The following ASTN1 variants were observed in gnomAD, a reference collection of about 807,000 sequenced individuals.
The protein encoded by ASTN1 is astrotactin 1.
In ASTN1, 41 loss-of-function variants were observed where a neutral mutation model predicts 140.7. The observed-to-expected ratio is 0.29, with a 90% CI of 0.23 to 0.38. The LOEUF is 0.38. Among genes scored for constraint, ASTN1 ranks in the 10% least tolerant of loss-of-function variants. ASTN1 has a pLI of 1.00. For synonymous variants in ASTN1, 640 were observed against 652.2 expected (o/e 0.98, Z 0.29); for missense variants, 1,479 against 1,678.8 (o/e 0.88, Z 2.08).
intron 8 of ASTN1, among the ~76,000 whole-genome samples, chr1:177,009,552 G>A (rs1251769699): frequency 6.6e-6 from 1 of 152,194 alleles, no homozygotes; most frequent in Admixed American, 6.5e-5. Flanking sequence ...TCCTGAGCGG[G>A]TGAGAAGTAG....
At chr1:177,000,476 G>A (rs1211206030) in intron 8 of ASTN1, among the ~76,000 whole-genome samples, 1 of 152,160 alleles carries the variant, frequency 6.6e-6, no homozygotes, top group African/African-American at 2.4e-5. Flanking sequence ...CTATTTAGAA[G>A]AGAAGAGCCA....
At chr1:176,879,574 C>CG (rs1454562437) in intron 20 of ASTN1, among the ~76,000 whole-genome samples, 1 of 152,138 alleles carries the variant, frequency 6.6e-6, no homozygotes, top group Non-Finnish European at 1.5e-5. Flanking sequence ...CCTCTCCCCC[C>CG]GCCCCCAAGC....
chr1:177,064,663 T>G (rs1571730437), intron 1 of ASTN1, among the ~76,000 whole-genome samples: 1 of 152,224 alleles, frequency 6.6e-6, no homozygotes, highest in Non-Finnish European at 1.5e-5. Flanking sequence ...TTCATGATTC[T>G]GCCTGGACTA....
At chr1:176,899,591 C>T (rs1669678514) in intron 16 of ASTN1, among the ~76,000 whole-genome samples, 1 of 152,144 alleles carries the variant, frequency 6.6e-6, no homozygotes, top group African/African-American at 2.4e-5. Context: ...TTGGAGACAG[C>T]TTAGGATCTA....
chr1:176,882,909 G>C lies in ASTN1; in HGVS notation c.3312C>G (p.Leu1104=). ...ATCGTATGATCAGAGAGATGGTGGT[G>C]AGCTGCTTGTCCGGCACCTGAGATG... is the stretch of plus-strand genomic sequence containing the variant. ...AMPSQVPDKQ[L]TTISLIIRCL... is the part of the protein sequence containing the mutation. The change falls in exon 20 of 23, where the codon CTC becomes CTG. Residue 1104 remains leucine (L), a synonymous_variant. Coordinates refer to ENST00000361833, the MANE Select transcript of ASTN1 (RefSeq NM_004319.3). 1 of 1,614,178 alleles carries C rather than the reference G, an allele frequency of 6.2e-7. No homozygotes were observed. The highest frequency in any genetic ancestry group is 8.5e-7 in the Non-Finnish European group (1 of 1,180,026).
At chr1:177,024,826 G>C in intron 5 of ASTN1, 94 bp from the exon 6 acceptor site, 1 of 1,415,022 alleles carries the variant, frequency 7.1e-7, no homozygotes, top group Non-Finnish European at 9.7e-7. Flanking sequence ...GCAAACAGGG[G>C]AGACAGTTGG....
At chr1:177,074,063 TG>T (rs1361405587) in intron 1 of ASTN1, among the ~76,000 whole-genome samples, 1 of 152,146 alleles carries the variant, frequency 6.6e-6, no homozygotes, top group African/African-American at 2.4e-5. Context: ...CATGACTTCA[TG>T]TAGGGTCAGT....
chr1:176,980,940 G>A (rs1046722458), intron 8 of ASTN1, among the ~76,000 whole-genome samples: 2 of 152,152 alleles, frequency 1.3e-5, no homozygotes, highest in South Asian at 2.1e-4. Flanking sequence ...GGCTGGGAAC[G>A]CTGGCTCACA....
At chr1:176,926,335 A>G (rs544797969) in intron 16 of ASTN1, among the ~76,000 whole-genome samples, 1 of 152,086 alleles carries the variant, frequency 6.6e-6, no homozygotes, top group South Asian at 2.1e-4. Flanking sequence ...TATTCTTAGT[A>G]ACTTTCTCCC....
At chr1:177,149,568 ACT>A (rs1682925650) in intron 1 of ASTN1, among the ~76,000 whole-genome samples, 1 of 78,978 alleles carries the variant, frequency 1.3e-5, no homozygotes, top group African/African-American at 7.5e-5. Flanking sequence ...ATATATATAC[ACT>A]GTATATATAT....
At chr1:176,971,987 A>G (rs1240912224) in intron 8 of ASTN1, among the ~76,000 whole-genome samples, 2 of 152,228 alleles carry the variant, frequency 1.3e-5, no homozygotes, top group Non-Finnish European at 1.5e-5. Flanking sequence ...GCACATTTAC[A>G]CAAACCTAGA....
At chr1:176,883,473 C>T (rs554710991) in intron 19 of ASTN1, among the ~76,000 whole-genome samples, 143 of 152,244 alleles carry the variant, frequency 9.4e-4, no homozygotes, top group African/African-American at 3.3e-3. Context: ...GGAATACAGG[C>T]GTGAGGCACA....
intron 19 of ASTN1, among the ~76,000 whole-genome samples, chr1:176,883,437 G>A (rs934593228): frequency 1.3e-5 from 2 of 152,050 alleles, no homozygotes; most frequent in Non-Finnish European, 2.9e-5. Context: ...CTCGTGATCC[G>A]CCCAGCTCGG....
intron 22 of ASTN1, among the ~76,000 whole-genome samples, chr1:176,865,837 A>C (rs575263201): frequency 6.6e-6 from 1 of 152,350 alleles, no homozygotes; most frequent in East Asian, 1.9e-4. Flanking sequence ...TGGAAGATGA[A>C]AGGTACATCT....
intron 22 of ASTN1, among the ~76,000 whole-genome samples, chr1:176,865,918 G>A (rs1381450941): frequency 2.0e-5 from 3 of 152,166 alleles, no homozygotes; most frequent in African/African-American, 4.8e-5. Context: ...CAGATCTCAT[G>A]AGACTTATTC....
chr1:176,910,962 C>A (rs139628917), intron 16 of ASTN1, among the ~76,000 whole-genome samples: 1 of 152,300 alleles, frequency 6.6e-6, no homozygotes, highest in African/African-American at 2.4e-5. Context: ...AAACCATCCC[C>A]TCTGACCTGT....
chr1:176,884,511 A>G (rs1478823416), intron 18 of ASTN1, 21 bp from the exon 19 acceptor site: 1 of 1,589,484 alleles, frequency 6.3e-7, no homozygotes, highest in African/African-American at 1.3e-5. Context: ...ACAGGAAGGA[A>G]CATGAAACAG....
intron 1 of ASTN1, among the ~76,000 whole-genome samples, chr1:177,105,534 C>T (rs1181828954): frequency 6.6e-6 from 1 of 151,988 alleles, no homozygotes; most frequent in East Asian, 1.9e-4. Context: ...TGGAAATGTT[C>T]TGTGGCGATT....
In ASTN1 at chr1:176,885,969, G is replaced by GAATAGACCCAAAACTGTGC. The variant is rs539916945; in HGVS notation, c.3075-1498_3075-1480dup. ...TAGTTTGCATATGACATTGAAGATGGAATAGACCCAAAACTGTGCAGATAT... is the reference window on the plus strand; with the variant it reads ...TAGTTTGCATATGACATTGAAGATGGAATAGACCCAAAACTGTGCAATAGACCCAAAACTGTGCAGATAT... On this transcript the variant is annotated intron_variant, in intron 18 of 22. Transcript: ENST00000361833. 7.0e-4 allele frequency among the ~76,000 whole-genome samples: 106 copies of GAATAGACCCAAAACTGTGC among 152,050 alleles called. No homozygotes were observed. In the Middle Eastern group the frequency reaches 0.01, roughly 15 times the overall value.
Sources: gnomAD v4.1 joint callset for allele counts (sites outside exome capture counted in the v4.1 genomes callset) on GRCh38, gnomAD v4.1.1 for gene constraint, MANE v1.5 for transcripts, NCBI Gene and HGNC (gene_info 2026-07-23, HGNC 2026-07-21) for gene names.